The following PTPRD variants were observed in gnomAD, a reference collection of about 807,000 sequenced individuals.
The protein encoded by PTPRD is protein tyrosine phosphatase receptor type D.
Under a neutral mutation model 214.5 loss-of-function variants are expected in PTPRD, and 34 were observed. The ratio of observed to expected loss-of-function variants is 0.16; its 90% CI spans 0.12 to 0.21. PTPRD has a LOEUF of 0.21. Among genes scored for constraint, PTPRD ranks in the 10% least tolerant of loss-of-function variants. The probability of loss-of-function intolerance (pLI) is 1.00; values close to 1 mark genes in which losing one functional copy is unlikely to be tolerated. For missense variants in PTPRD, 2,545 were observed against 2,398.7 expected, an observed-to-expected ratio of 1.06 and a Z score of -1.27; for synonymous variants, 1,128 against 845.7, an observed-to-expected ratio of 1.33 and a Z score of -5.79.
intron 2 of PTPRD, among the ~76,000 whole-genome samples, chr9:10,552,014 G>C (rs1490674632): frequency 6.6e-6 from 1 of 152,082 alleles, no homozygotes; most frequent in East Asian, 1.9e-4. Flanking sequence ...TCTCTATGGA[G>C]GTGCTTTGGA....
intron 11 of PTPRD, among the ~76,000 whole-genome samples, chr9:8,858,779 A>G (rs1215407611): frequency 6.8e-6 from 1 of 146,480 alleles, no homozygotes; most frequent in Non-Finnish European, 1.5e-5. Flanking sequence ...CAGGCAGGAG[A>G]GGTGGGTGAA....
At chr9:8,800,552 T>G (rs1004568432) in intron 11 of PTPRD, among the ~76,000 whole-genome samples, 1 of 152,180 alleles carries the variant, frequency 6.6e-6, no homozygotes, top group African/African-American at 2.4e-5. Flanking sequence ...ACCAACACTA[T>G]GACAGTTTAC....
At chr9:10,028,386 A>G (rs2096972659) in intron 4 of PTPRD, among the ~76,000 whole-genome samples, 1 of 152,204 alleles carries the variant, frequency 6.6e-6, no homozygotes, top group Admixed American at 6.5e-5. Flanking sequence ...AAGATACCCA[A>G]AAATGTGGAA....
At chr9:9,729,783 T>G (rs1033792538) in intron 7 of PTPRD, among the ~76,000 whole-genome samples, 5 of 152,082 alleles carry the variant, frequency 3.3e-5, no homozygotes, top group Admixed American at 6.6e-5. Context: ...ACGAACATAT[T>G]AGTAAATTCA....
At chr9:9,251,490 A>C (rs1040046549) in intron 9 of PTPRD, among the ~76,000 whole-genome samples, 1 of 151,818 alleles carries the variant, frequency 6.6e-6, no homozygotes, top group Non-Finnish European at 1.5e-5. Flanking sequence ...TTTGAAAACT[A>C]CTATTCATTA....
chr9:9,953,324 C>A (rs1233114830), intron 4 of PTPRD, among the ~76,000 whole-genome samples: 1 of 152,022 alleles, frequency 6.6e-6, no homozygotes, highest in Non-Finnish European at 1.5e-5. Context: ...CTCACCTGAG[C>A]AAAAGGGATA....
At chr9:9,913,365 G>T (rs969593133) in intron 5 of PTPRD, among the ~76,000 whole-genome samples, 1 of 152,060 alleles carries the variant, frequency 6.6e-6, no homozygotes, top group African/African-American at 2.4e-5. Context: ...TATATAAATT[G>T]CAGGAGGCAT....
chr9:9,775,883 G>T (rs2098794433), intron 5 of PTPRD, among the ~76,000 whole-genome samples: 1 of 150,242 alleles, frequency 6.7e-6, no homozygotes, highest in Non-Finnish European at 1.5e-5. Flanking sequence ...GTGAACCAGG[G>T]AGGCGGAGCT....
At chr9:8,906,635 G>C (rs2098709707) in intron 11 of PTPRD, among the ~76,000 whole-genome samples, 1 of 152,162 alleles carries the variant, frequency 6.6e-6, no homozygotes, top group Non-Finnish European at 1.5e-5. Context: ...TCCACTAATA[G>C]TGGGAATCTG....
At chr9:9,125,631 T>C (rs1017829956) in intron 10 of PTPRD, among the ~76,000 whole-genome samples, 1 of 152,190 alleles carries the variant, frequency 6.6e-6, no homozygotes, top group African/African-American at 2.4e-5. Flanking sequence ...TTGAATAATT[T>C]CATTAGAAAA....
intron 2 of PTPRD, among the ~76,000 whole-genome samples, chr9:10,450,325 A>G (rs1420241266): frequency 6.6e-6 from 1 of 152,056 alleles, no homozygotes; most frequent in East Asian, 1.9e-4. Context: ...GTATATAAAA[A>G]TGCATCATGT....
intron 21 of PTPRD, among the ~76,000 whole-genome samples, chr9:8,511,343 G>C (rs1424361254): frequency 6.6e-6 from 1 of 152,122 alleles, no homozygotes; most frequent in Non-Finnish European, 1.5e-5. Context: ...AGCACTGAGA[G>C]TATGGGTGTG....
chr9:9,728,316 T>C (rs1476872722), intron 7 of PTPRD, among the ~76,000 whole-genome samples: 2 of 152,214 alleles, frequency 1.3e-5, no homozygotes, highest in Non-Finnish European at 2.9e-5. Context: ...TGACACAAAA[T>C]ACTTTATGAG....
intron 7 of PTPRD, among the ~76,000 whole-genome samples, chr9:9,670,640 G>C (rs542970730): frequency 1.3e-5 from 2 of 152,210 alleles, no homozygotes; most frequent in African/African-American, 4.8e-5. Context: ...GCAGCTTAGA[G>C]ACTTGGTGCC....
intron 9 of PTPRD, among the ~76,000 whole-genome samples, chr9:9,291,521 A>G (rs116250114): frequency 1.3e-3 from 200 of 151,452 alleles, no homozygotes; most frequent in African/African-American, 4.6e-3. Flanking sequence ...ATAACATAAA[A>G]CGGGATTTCC....
intron 11 of PTPRD, among the ~76,000 whole-genome samples, chr9:8,891,243 C>T (rs914038692): frequency 6.7e-6 from 1 of 149,296 alleles, no homozygotes; most frequent in African/African-American, 2.5e-5. Flanking sequence ...AGGCCATCCT[C>T]CTGCCTCAGC....
chr9:9,448,373 T>C (rs1468130870), intron 8 of PTPRD, among the ~76,000 whole-genome samples: 2 of 151,944 alleles, frequency 1.3e-5, no homozygotes, highest in African/African-American at 2.4e-5. Flanking sequence ...GTTTCCCCCA[T>C]GCTGTTTTCA....
intron 10 of PTPRD, among the ~76,000 whole-genome samples, chr9:9,062,017 A>G (rs572845439): frequency 6.6e-6 from 1 of 152,216 alleles, no homozygotes; most frequent in Non-Finnish European, 1.5e-5. Context: ...TAAACCAAGC[A>G]TCTTTACAAA....
At chr9:9,307,758 T>G (rs896355157) in intron 9 of PTPRD, among the ~76,000 whole-genome samples, 9 of 152,206 alleles carry the variant, frequency 5.9e-5, no homozygotes, top group Admixed American at 1.3e-4. Context: ...TCAAAATCCT[T>G]AGCTTAACAC....
Sources: gnomAD v4.1 joint callset for allele counts (sites outside exome capture counted in the v4.1 genomes callset) on GRCh38, gnomAD v4.1.1 for gene constraint, MANE v1.5 for transcripts, NCBI Gene and HGNC (gene_info 2026-07-23, HGNC 2026-07-21) for gene names.